Variants in ST6GAL2 observed in about 807,000 individuals in gnomAD.
ST6GAL2 encodes beta-galactoside alpha-2,6-sialyltransferase 2.
ST6GAL2 carries 24 observed loss-of-function variants against 37.5 expected under a neutral mutation model. The observed-to-expected ratio is 0.64, with a 90% CI of 0.46 to 0.90. ST6GAL2 has a LOEUF of 0.90. Ranked by LOEUF, ST6GAL2 falls within the 40% of genes least tolerant of loss-of-function variation. The pLI, the probability that ST6GAL2 is intolerant of heterozygous loss-of-function variation, is 0.00. For synonymous variants in ST6GAL2, 306 were observed against 295.1 expected, an observed-to-expected ratio of 1.04 and a Z score of -0.38; for missense variants, 715 against 712.7, an observed-to-expected ratio of 1.00 and a Z score of -0.04.
intron 1 of ST6GAL2, among the ~76,000 whole-genome samples, chr2:106,873,213 T>A (rs116617652): frequency 6.6e-6 from 1 of 152,220 alleles, no homozygotes; most frequent in African/African-American, 2.4e-5. Context: ...TGGCCATGCA[T>A]CTGATACACA....
At chr2:106,813,514 T>C (rs924821834) in intron 5 of ST6GAL2, among the ~76,000 whole-genome samples, 36 of 152,220 alleles carry the variant, frequency 2.4e-4, no homozygotes, top group African/African-American at 8.7e-4. Context: ...GTTTCCTTTA[T>C]ACATCTTTAA....
At position 106,843,950 on chromosome 2, in the gene ST6GAL2, G is replaced by A. The variant is rs1677044001; in HGVS notation, c.28C>T (p.Gln10Ter). MKPHLKQWR[Q>*]RMLFGIFAWG... ...GCGAATATTCCGAAAAGCATTCGTT[G>A]TCTCCATTGCTTCAAGTGTGGTTTC... is the stretch of plus-strand genomic sequence containing the variant. Residue 10 changes from glutamine to a stop codon, truncating the protein, a stop_gained, in exon 2 of 6, where the codon CAA becomes TAA. Transcript: ENST00000409382. LOFTEE classifies it high-confidence loss of function. 6.3e-7 allele frequency: 1 copy of A among 1,590,764 alleles called. No homozygotes were observed. The highest frequency in any genetic ancestry group is 8.5e-7 in the Non-Finnish European group (1 of 1,173,272).
intron 1 of ST6GAL2, among the ~76,000 whole-genome samples, chr2:106,881,998 C>A (rs1338192583): frequency 6.6e-6 from 1 of 152,196 alleles, no homozygotes; most frequent in Non-Finnish European, 1.5e-5. Flanking sequence ...TTGGAAATTT[C>A]ACTTGATATG....
At chr2:106,868,017 T>C (rs1174648283) in intron 1 of ST6GAL2, among the ~76,000 whole-genome samples, 2 of 152,212 alleles carry the variant, frequency 1.3e-5, no homozygotes, top group Non-Finnish European at 2.9e-5. Flanking sequence ...CAAAACCCTA[T>C]GCCACTTACG....
intron 5 of ST6GAL2, among the ~76,000 whole-genome samples, chr2:106,812,018 C>T (rs573885239): frequency 2.6e-5 from 4 of 152,228 alleles, no homozygotes; most frequent in African/African-American, 9.6e-5. Context: ...CTGAATGTGT[C>T]TCCATCCCCA....
chr2:106,841,055 T>C, intron 2 of ST6GAL2: 1 of 152,242 alleles, frequency 6.6e-6, no homozygotes, highest in Admixed American at 6.5e-5. Context: ...ATATGACACA[T>C]GGACTGTGTT....
intron 2 of ST6GAL2, among the ~76,000 whole-genome samples, chr2:106,838,962 G>A (rs1676757724): frequency 6.6e-6 from 1 of 152,010 alleles, no homozygotes; most frequent in Non-Finnish European, 1.5e-5. Flanking sequence ...CTTGAGCCTG[G>A]GAAGTGGAGG....
chr2:106,879,694 ATAT>A (rs1220250959), intron 1 of ST6GAL2, among the ~76,000 whole-genome samples: 17 of 148,076 alleles, frequency 1.1e-4, no homozygotes, highest in South Asian at 6.3e-4. Flanking sequence ...GACCAATTAT[ATAT>A]TATTATATAG....
intron 5 of ST6GAL2, 119 bp downstream of exon 5, chr2:106,829,947 G>T (rs1676350218): frequency 1.1e-6 from 1 of 946,710 alleles, no homozygotes; most frequent in Non-Finnish European, 1.6e-6. Context: ...AAATACTTCT[G>T]GTTCCAGGCA....
chr2:106,865,353 A>T (rs1483745275), intron 1 of ST6GAL2, among the ~76,000 whole-genome samples: 1 of 152,194 alleles, frequency 6.6e-6, no homozygotes, highest in African/African-American at 2.4e-5. Context: ...AGGACCCTTT[A>T]AACAGATGCA....
chr2:106,863,510 G>A (rs541907825), intron 1 of ST6GAL2, among the ~76,000 whole-genome samples: 1 of 152,192 alleles, frequency 6.6e-6, no homozygotes, highest in East Asian at 1.9e-4. Flanking sequence ...CCCGTCTAAC[G>A]CACAATGTTT....
intron 1 of ST6GAL2, among the ~76,000 whole-genome samples, chr2:106,869,452 A>G (rs980343026): frequency 1.1e-4 from 16 of 151,994 alleles, no homozygotes; most frequent in Non-Finnish European, 1.9e-4. Context: ...CGCCCTTTAA[A>G]CTCAGGGATA....
chr2:106,809,261 CG>C (rs1417040540), intron 5 of ST6GAL2, among the ~76,000 whole-genome samples: 1 of 152,238 alleles, frequency 6.6e-6, no homozygotes, highest in Admixed American at 6.5e-5. Flanking sequence ...GACTTCATCA[CG>C]GGCATCATTA....
intron 1 of ST6GAL2, among the ~76,000 whole-genome samples, chr2:106,853,366 T>C (rs771635071): frequency 2.6e-5 from 4 of 152,258 alleles, no homozygotes; most frequent in Non-Finnish European, 4.4e-5. Context: ...CTACAGGTGT[T>C]AGGCCCATGG....
chr2:106,808,272 C>G (rs1675491052), intron 5 of ST6GAL2, among the ~76,000 whole-genome samples: 1 of 152,128 alleles, frequency 6.6e-6, no homozygotes, highest in South Asian at 2.1e-4. Flanking sequence ...AAGGGGCTGC[C>G]TGGTGGACAA....
chr2:106,843,171 C>T lies in ST6GAL2; in HGVS notation c.807G>A (p.Ala269=), dbSNP rs774994756. 1 of 1,554,488 alleles carries T rather than the reference C, an allele frequency of 6.4e-7. No homozygotes were observed. The highest frequency in any genetic ancestry group is 1.2e-5 in the South Asian group (1 of 85,046). Residue 269 remains alanine, a synonymous_variant, in exon 2 of 6, where the codon GCG becomes GCA. Transcript: ENST00000409382. ...ARVRTLDGTE[A]PFSALGWRRL... Reference sequence around the variant, plus strand: ...GCCGCCAGCCCAGCGCAGAAAAGGGCGCCTCGGTGCCGTCCAGCGTCCGCA... The same window carrying T: ...GCCGCCAGCCCAGCGCAGAAAAGGGTGCCTCGGTGCCGTCCAGCGTCCGCA...
In ST6GAL2 at chr2:106,802,459, CA is replaced by C. The variant is rs909099180; in HGVS notation, c.*4218del. On this transcript the variant is annotated 3_prime_UTR_variant, in exon 6 of 6. Transcript: ENST00000409382. ...CATATTACATTACTTTTTTTTTAAC[CA>C]AAAGGCTTCATTCATTTAATAAAAC... The C allele has an allele frequency of 6.6e-5, 10 of 151,530 alleles. No homozygotes were observed. Among genetic ancestry groups the C allele is most frequent in the Admixed American group, 1.3e-4 (2 of 15,220 alleles). 9.4% of individuals were successfully genotyped at this position (151,530 alleles called of 1,614,324 possible).
At chr2:106,840,015 G>A (rs1027006808) in intron 2 of ST6GAL2, among the ~76,000 whole-genome samples, 1 of 152,166 alleles carries the variant, frequency 6.6e-6, no homozygotes, top group African/African-American at 2.4e-5. Flanking sequence ...GGGCTGCACT[G>A]CCAGTGGAGC....
chr2:106,815,173 TGGA>T (rs755356371), intron 5 of ST6GAL2, among the ~76,000 whole-genome samples: 64 of 152,322 alleles, frequency 4.2e-4, no homozygotes, highest in Admixed American at 1.0e-3. Context: ...AGGACAAATA[TGGA>T]GTCTAATTAG....
Sources: gnomAD v4.1 joint callset for allele counts (sites outside exome capture counted in the v4.1 genomes callset) on GRCh38, gnomAD v4.1.1 for gene constraint, MANE v1.5 for transcripts, NCBI Gene and HGNC (gene_info 2026-07-23, HGNC 2026-07-21) for gene names.